MTMR3: variants seen among roughly 807,000 people sequenced by gnomAD.
The protein encoded by MTMR3 is phosphatidylinositol-3,5-bisphosphate 3-phosphatase MTMR3.
Under a neutral mutation model 132.4 loss-of-function variants are expected in MTMR3, and 32 were observed. The observed-to-expected ratio is 0.24, with a 90% CI of 0.18 to 0.32. MTMR3 has a LOEUF of 0.32. Among genes scored for constraint, MTMR3 ranks in the 10% least tolerant of loss-of-function variants. The probability of loss-of-function intolerance (pLI) is 1.00; values close to 1 mark genes in which losing one functional copy is unlikely to be tolerated. For synonymous variants in MTMR3, 556 were observed against 550.3 expected (o/e 1.01, Z -0.14); for missense variants, 1,216 against 1,489.6 (o/e 0.82, Z 3.02).
chr22:29,949,358 C>T (rs1363232886), intron 1 of MTMR3, among the ~76,000 whole-genome samples: 4 of 151,362 alleles, frequency 2.6e-5, no homozygotes, highest in South Asian at 2.1e-4. Flanking sequence ...GGTGTGGTGG[C>T]GGTGGCAGGC....
At chr22:30,022,790 G>A in intron 19 of MTMR3, 93 bp downstream of exon 19, 2 of 1,156,372 alleles carry the variant, frequency 1.7e-6, no homozygotes, top group Non-Finnish European at 2.5e-6. Flanking sequence ...GGGTATCTCA[G>A]TGTTCTGTCT....
intron 1 of MTMR3, among the ~76,000 whole-genome samples, chr22:29,926,371 C>G (rs1481835360): frequency 6.6e-6 from 1 of 152,084 alleles, no homozygotes; most frequent in Non-Finnish European, 1.5e-5. Context: ...TTTGTGGGGA[C>G]ACACGTTTTC....
At chr22:30,023,627 G>A (rs2067826304) in intron 19 of MTMR3, 1 of 998,114 alleles carries the variant, frequency 1.0e-6, no homozygotes, top group Non-Finnish European at 1.6e-6. Flanking sequence ...GGGCTTGAGG[G>A]GATTCAAAGC....
intron 9 of MTMR3, 31 bp downstream of exon 9, chr22:30,003,024 G>A: frequency 6.6e-7 from 1 of 1,509,658 alleles, no homozygotes; most frequent in Non-Finnish European, 9.2e-7. Flanking sequence ...CCCAGCTTGG[G>A]CTGGTGCTGC....
Position 29,896,224 on chromosome 22 carries a change from C to T in MTMR3, c.-138+12865C>T, listed in dbSNP as rs190519266. On this transcript the variant is annotated intron_variant, in intron 1 of 19. Coordinates refer to ENST00000401950, the MANE Select transcript of MTMR3 (RefSeq NM_021090.4). The stretch of plus-strand genomic sequence containing the variant: ...ACTAGGGAGGCTGAGGCACGAGAAT[C>T]GCTTGAACACAGGAAGTAGAGGTTG... Among the ~76,000 whole-genome samples the T allele has an allele frequency of 4.5e-3, 686 of 152,262 alleles. 6 individuals carry two copies. The highest frequency in any genetic ancestry group is 0.016 in the African/African-American group (646 of 41,550).
At chr22:29,905,165 G>T (rs2065071446) in intron 1 of MTMR3, among the ~76,000 whole-genome samples, 1 of 152,060 alleles carries the variant, frequency 6.6e-6, no homozygotes, top group African/African-American at 2.4e-5. Context: ...ATACTTGGGG[G>T]ATGGGTTCCA....
At chr22:29,965,153 A>G (rs888072228) in intron 2 of MTMR3, among the ~76,000 whole-genome samples, 1 of 151,948 alleles carries the variant, frequency 6.6e-6, no homozygotes, top group African/African-American at 2.4e-5. Flanking sequence ...ATTTGTAATT[A>G]TTACCATCTT....
intron 8 of MTMR3, chr22:30,000,766 G>C (rs1250880593): frequency 6.6e-6 from 1 of 152,222 alleles, no homozygotes; most frequent in African/African-American, 2.4e-5. Flanking sequence ...GGTGAATGCT[G>C]GATGAGGGGG....
At position 30,007,328 on chromosome 22, in the gene MTMR3, C is replaced by G; in HGVS notation, c.877+9C>G. On this transcript the variant is annotated intron_variant, in intron 10 of 19. Coordinates refer to ENST00000401950, the MANE Select transcript of MTMR3 (RefSeq NM_021090.4). Reference sequence around the variant, plus strand: ...TTCTGACGTGGAGTTCGGTAAGGTGCTCCCTGGACCCATGGCAATGATTTT... The same window carrying G: ...TTCTGACGTGGAGTTCGGTAAGGTGGTCCCTGGACCCATGGCAATGATTTT... 1 of 1,612,336 alleles carries G rather than the reference C, an allele frequency of 6.2e-7. No homozygotes were observed. Among genetic ancestry groups the G allele is most frequent in the Non-Finnish European group, 8.5e-7 (1 of 1,178,590 alleles).
intron 8 of MTMR3, chr22:30,002,337 C>T: frequency 6.6e-6 from 1 of 152,592 alleles, no homozygotes; most frequent in South Asian, 2.1e-4. Flanking sequence ...GCACCTGTTA[C>T]CTATAAGGAT....
At position 30,013,554 on chromosome 22, in the gene MTMR3, A is replaced by AT. The variant is rs781240317; in HGVS notation, c.1503+17dup. 6.2e-7 allele frequency: 1 copy of AT among 1,611,512 alleles called. No homozygotes were observed. The highest frequency in any genetic ancestry group is 8.5e-7 in the Non-Finnish European group (1 of 1,178,438). ...TGAAGCATTCCTTGTAAGTTTCTTC[A>AT]TTTTGGGGACTTTCTCAATTTGAAG... On this transcript the variant is annotated intron_variant, in intron 14 of 19. Transcript: ENST00000401950.
chr22:30,013,632 T>C (rs985466998), intron 14 of MTMR3, 91 bp downstream of exon 14: 10 of 1,216,316 alleles, frequency 8.2e-6, no homozygotes, highest in Non-Finnish European at 1.1e-5. Flanking sequence ...CTGTGCTGCC[T>C]CTTCAGAATT....
intron 19 of MTMR3, chr22:30,025,167 G>C (rs1025170272): frequency 6.2e-6 from 1 of 162,358 alleles, no homozygotes; most frequent in Non-Finnish European, 1.4e-5. Context: ...CTCTGGAGAA[G>C]TGGCCGTTGG....
chr22:30,012,561 G>A lies in MTMR3; in HGVS notation c.1315G>A (p.Glu439Lys), dbSNP rs1466022092. ...GCTGGACCCTTATTACCGAACCATAGAGGTGAGCCCATCCAAATGGGAGGG... is the reference window on the plus strand; with the variant it reads ...GCTGGACCCTTATTACCGAACCATAAAGGTGAGCCCATCCAAATGGGAGGG... ...LLLDPYYRTI[E>K]GFQVLVEMEW... Residue 439 changes from glutamate (E) to lysine (K), a missense_variant and splice_region_variant, in exon 13 of 20, where the codon GAG becomes AAG. Coordinates refer to ENST00000401950, the MANE Select transcript of MTMR3 (RefSeq NM_021090.4). 1 of 1,603,604 alleles carries A rather than the reference G, an allele frequency of 6.2e-7. No individual in the cohort carries two copies. The highest frequency in any genetic ancestry group is 8.5e-7 in the Non-Finnish European group (1 of 1,175,236).
At position 30,020,748 on chromosome 22, in the gene MTMR3, G is replaced by A. The variant is rs759430144; in HGVS notation, c.3089G>A (p.Arg1030His). 10 of 1,614,084 alleles carry A rather than the reference G, an allele frequency of 6.2e-6. No individual in the cohort carries two copies. Among genetic ancestry groups the A allele is most frequent in the South Asian group, 2.2e-5 (2 of 91,086 alleles). Residue 1030 changes from arginine to histidine, a missense_variant, in exon 17 of 20, where the codon CGC (arginine) becomes CAC (histidine). Physicochemically the swap from Arg to His is conservative, Grantham distance 29. Around this residue, in one of 7 missense-constraint regions of MTMR3, gnomAD observed 852 missense variants for 852.0 expected, o/e 1.00. Coordinates refer to ENST00000401950, the MANE Select transcript of MTMR3 (RefSeq NM_021090.4). ...MSVYTDTIQQ[R>H]LRQIESGHQQ... ...GTGTACACAGACACGATCCAACAGC[G>A]CCTGCGTCAGATTGAGTCAGGCCAC... is the stretch of plus-strand genomic sequence containing the variant.
At chr22:29,917,413 G>C (rs1168845717) in intron 1 of MTMR3, among the ~76,000 whole-genome samples, 1 of 152,168 alleles carries the variant, frequency 6.6e-6, no homozygotes, top group Non-Finnish European at 1.5e-5. Flanking sequence ...GCTGAGGTGG[G>C]AGTATTGCTT....
intron 1 of MTMR3, among the ~76,000 whole-genome samples, chr22:29,952,352 C>G (rs963388077): frequency 2.6e-5 from 4 of 151,648 alleles, no homozygotes; most frequent in Middle Eastern, 3.2e-3. Flanking sequence ...TGAAAACTTC[C>G]AGACCTTAAT....
At chr22:29,963,786 C>T (rs2066360831) in intron 2 of MTMR3, among the ~76,000 whole-genome samples, 1 of 151,512 alleles carries the variant, frequency 6.6e-6, no homozygotes, top group Non-Finnish European at 1.5e-5. Context: ...TTCAGTGAGC[C>T]TAGATCTTCA....
chr22:29,932,559 T>G (rs2065667239), intron 1 of MTMR3, among the ~76,000 whole-genome samples: 1 of 152,172 alleles, frequency 6.6e-6, no homozygotes, highest in South Asian at 2.1e-4. Context: ...CATTCAGAGA[T>G]AGTCTTATGC....
Sources: allele counts gnomAD v4.1 joint callset (sites outside exome capture counted in the v4.1 genomes callset), GRCh38; gene constraint gnomAD v4.1.1; regional missense constraint gnomAD v4.1.1; transcripts MANE v1.5; gene names NCBI Gene and HGNC (gene_info 2026-07-23, HGNC 2026-07-21).